RBFOX1: variants seen among roughly 807,000 people sequenced by gnomAD.
RBFOX1 encodes RNA binding fox-1 homolog 1.
RBFOX1 carries 8 observed loss-of-function variants against 57.7 expected under a neutral mutation model. The ratio of observed to expected loss-of-function variants is 0.14; its 90% confidence interval spans 0.08 to 0.25. The LOEUF (loss-of-function observed/expected upper bound fraction) is 0.25, where lower values mean the gene tolerates loss of function less well. Among genes scored for constraint, RBFOX1 ranks in the 10% least tolerant of loss-of-function variants. The pLI, the probability that RBFOX1 is intolerant of heterozygous loss-of-function variation, is 1.00. For synonymous variants in RBFOX1, 326 were observed against 222.4 expected, an observed-to-expected ratio of 1.47 and a Z score of -4.15; for missense variants, 611 against 548.5, an observed-to-expected ratio of 1.11 and a Z score of -1.14.
In RBFOX1 at chr16:7,530,111, A is replaced by G. The variant is rs185163024; in HGVS notation, c.270+11722A>G. Among the ~76,000 whole-genome samples, 119 of 152,094 alleles carry G rather than the reference A, an allele frequency of 7.8e-4. 1 individual carries two copies. Among genetic ancestry groups the G allele is most frequent in the Non-Finnish European group, 1.1e-3 (73 of 67,984 alleles). On this transcript the variant is annotated intron_variant, in intron 5 of 15. Coordinates refer to ENST00000550418, the MANE Select transcript of RBFOX1 (RefSeq NM_018723.4). ...CTTGGATGCTTCAGTGTGACAGTGC[A>G]GAGATTCATAGAATGTTAGAGCTTG...
chr16:7,516,265 G>A (rs1057011365), intron 4 of RBFOX1, among the ~76,000 whole-genome samples: 2 of 152,130 alleles, frequency 1.3e-5, no homozygotes, highest in African/African-American at 2.4e-5. Context: ...ACTCAGTGGT[G>A]TGACTAGGGC....
chr16:6,151,136 T>C (rs2096794585), intron 1 of RBFOX1, among the ~76,000 whole-genome samples: 1 of 152,176 alleles, frequency 6.6e-6, no homozygotes. Flanking sequence ...ACATATTTGC[T>C]GAATCTCTTT....
intron 2 of RBFOX1, among the ~76,000 whole-genome samples, chr16:6,423,992 C>T (rs1430821573): frequency 1.3e-5 from 2 of 152,126 alleles, no homozygotes; most frequent in South Asian, 2.1e-4. Flanking sequence ...GTAATCTCAG[C>T]GCTTTGGGAG....
At chr16:5,456,164 T>G (rs1198789467) in intron 1 of RBFOX1, among the ~76,000 whole-genome samples, 1 of 152,204 alleles carries the variant, frequency 6.6e-6, no homozygotes, top group Non-Finnish European at 1.5e-5. Flanking sequence ...GTCAAAAAAC[T>G]TACAATACCT....
At chr16:6,748,351 G>T (rs949622243) in intron 3 of RBFOX1, among the ~76,000 whole-genome samples, 1 of 151,728 alleles carries the variant, frequency 6.6e-6, no homozygotes, top group South Asian at 2.1e-4. Context: ...ATATACATAT[G>T]TATGTATGTA....
chr16:6,823,574 T>C (rs908111929), intron 3 of RBFOX1, among the ~76,000 whole-genome samples: 4 of 152,118 alleles, frequency 2.6e-5, no homozygotes, highest in East Asian at 1.9e-4. Flanking sequence ...GAAATTCTTA[T>C]AAGGGAGTAT....
At chr16:7,241,740 C>T (rs768369297) in intron 4 of RBFOX1, among the ~76,000 whole-genome samples, 3 of 151,960 alleles carry the variant, frequency 2.0e-5, no homozygotes, top group Non-Finnish European at 4.4e-5. Context: ...TACACAAACA[C>T]ACACACATGC....
chr16:7,354,758 T>C (rs879828812), intron 4 of RBFOX1, among the ~76,000 whole-genome samples: 55 of 152,292 alleles, frequency 3.6e-4, no homozygotes, highest in Middle Eastern at 6.8e-3. Flanking sequence ...TAAAATTCAG[T>C]AGCCCTCAAA....
chr16:6,094,646 A>G (rs1459399799), intron 1 of RBFOX1, among the ~76,000 whole-genome samples: 1 of 152,234 alleles, frequency 6.6e-6, no homozygotes. Context: ...CAAGTTCTCC[A>G]GTGCTGGGAG....
At chr16:6,722,259 C>T (rs1222156552) in intron 3 of RBFOX1, among the ~76,000 whole-genome samples, 2 of 152,330 alleles carry the variant, frequency 1.3e-5, no homozygotes, top group East Asian at 1.9e-4. Flanking sequence ...TTTTGCATTT[C>T]CACCCACAGT....
intron 3 of RBFOX1, among the ~76,000 whole-genome samples, chr16:5,774,716 T>G (rs1485417057): frequency 6.6e-6 from 1 of 152,126 alleles, no homozygotes; most frequent in East Asian, 1.9e-4. Flanking sequence ...AAAGTCTCAC[T>G]CTCTCGCCCA....
intron 4 of RBFOX1, among the ~76,000 whole-genome samples, chr16:7,474,632 C>T (rs2062253935): frequency 6.6e-6 from 1 of 152,192 alleles, no homozygotes; most frequent in African/African-American, 2.4e-5. Context: ...AGGAGCCTGG[C>T]TCTAAAGTCG....
intron 4 of RBFOX1, among the ~76,000 whole-genome samples, chr16:7,257,327 C>A (rs1264047559): frequency 6.6e-6 from 1 of 152,132 alleles, no homozygotes; most frequent in Non-Finnish European, 1.5e-5. Context: ...TCCCACCACC[C>A]AAAGGTCACC....
At chr16:5,294,778 C>T (rs1252528632) in intron 1 of RBFOX1, among the ~76,000 whole-genome samples, 1 of 151,958 alleles carries the variant, frequency 6.6e-6, no homozygotes, top group African/African-American at 2.4e-5. Flanking sequence ...CGCCTGTAAT[C>T]CCAGCACTTT....
intron 2 of RBFOX1, among the ~76,000 whole-genome samples, chr16:5,511,219 A>G (rs1031727301): frequency 1.3e-5 from 2 of 152,248 alleles, no homozygotes; most frequent in African/African-American, 4.8e-5. Flanking sequence ...CAGTGGCAGC[A>G]TTTTAAACAA....
At chr16:5,521,540 G>T (rs991266414) in intron 2 of RBFOX1, among the ~76,000 whole-genome samples, 2 of 152,040 alleles carry the variant, frequency 1.3e-5, no homozygotes, top group African/African-American at 2.4e-5. Context: ...GCCTTGGTCA[G>T]TGAGTGAGGC....
At chr16:7,206,692 G>A (rs1385693933) in intron 4 of RBFOX1, among the ~76,000 whole-genome samples, 1 of 152,120 alleles carries the variant, frequency 6.6e-6, no homozygotes, top group East Asian at 1.9e-4. Flanking sequence ...GACAAGCACA[G>A]AGTGAGGATT....
intron 5 of RBFOX1, among the ~76,000 whole-genome samples, chr16:7,572,180 C>G (rs896906247): frequency 6.6e-6 from 1 of 152,122 alleles, no homozygotes; most frequent in African/African-American, 2.4e-5. Flanking sequence ...ATAATTATGT[C>G]CCCTCTTTAT....
chr16:6,705,794 G>C (rs1418170628), intron 3 of RBFOX1, among the ~76,000 whole-genome samples: 1 of 152,156 alleles, frequency 6.6e-6, no homozygotes, highest in African/African-American at 2.4e-5. Flanking sequence ...GAGGCAGGCA[G>C]ATCACTTGAG....
Sources: allele counts gnomAD v4.1 joint callset (sites outside exome capture counted in the v4.1 genomes callset), GRCh38; gene constraint gnomAD v4.1.1; transcripts MANE v1.5; gene names NCBI Gene and HGNC (gene_info 2026-07-23, HGNC 2026-07-21).